The following NDE1 variants were observed in gnomAD, a reference collection of about 807,000 sequenced individuals.
The protein encoded by NDE1 is nudE neurodevelopment protein 1.
In NDE1, 28 loss-of-function variants were observed where a neutral mutation model predicts 43.4. The observed-to-expected ratio is 0.65, with a 90% CI of 0.48 to 0.89. NDE1 has a LOEUF of 0.89. Ranked by LOEUF, NDE1 falls within the 40% of genes least tolerant of loss-of-function variation. NDE1 has a pLI of 0.00. For synonymous variants in NDE1, 184 were observed against 172.0 expected, an observed-to-expected ratio of 1.07 and a Z score of -0.55; for missense variants, 441 against 434.1, an observed-to-expected ratio of 1.02 and a Z score of -0.14.
At chr16:15,717,845 T>C (rs978863988) in intron 8 of NDE1, 2 of 257,538 alleles carry the variant, frequency 7.8e-6, no homozygotes, top group Admixed American at 1.0e-4. Context: ...GCTGAGCGAG[T>C]GACTTGTCCC....
chr16:15,689,851 A>G lies in NDE1; in HGVS notation c.524-1293A>G, dbSNP rs868579448. Reference sequence around the variant, plus strand: ...GCTACTTGGGAGGCTGAGGCAGGAGAATCACTTGAACCCGGGAGGCAGATT... The same window carrying G: ...GCTACTTGGGAGGCTGAGGCAGGAGGATCACTTGAACCCGGGAGGCAGATT... On this transcript the variant is annotated intron_variant, in intron 5 of 8. Transcript: ENST00000396354. Among the ~76,000 whole-genome samples, 10 of 100,722 alleles carry G rather than the reference A, an allele frequency of 9.9e-5. No homozygotes were observed. In the South Asian group the frequency reaches 2.6e-3, roughly 26 times the overall value. 66.1% of individuals were successfully genotyped at this position (100,722 alleles called of 152,430 possible). A position where few individuals can be genotyped will look rare whatever the true frequency, so the allele number is the denominator to read the frequency against.
rs376563317 is a variant in NDE1 at position 15,669,101 on chromosome 16, C to T, written c.237+1662C>T. ...ATTTTTAGTAGAAACGGGGTTTCAC[C>T]GTGTTAGCTAGGATGGTCTTGATCT... On this transcript the variant is annotated intron_variant, in intron 3 of 8. Coordinates refer to ENST00000396354, the MANE Select transcript of NDE1 (RefSeq NM_017668.3). 1.5e-4 allele frequency among the ~76,000 whole-genome samples: 23 copies of T among 151,784 alleles called. No homozygotes were observed. The East Asian group carries it at 2.5e-3, about 17-fold the overall frequency.
At position 15,677,691 on chromosome 16, in the gene NDE1, C is replaced by G. The variant is rs2037957068; in HGVS notation, c.238-110C>G. 4.9e-6 allele frequency: 6 copies of G among 1,222,056 alleles called. 1 individual carries two copies. In the South Asian group the frequency reaches 6.3e-5, roughly 13 times the overall value. 75.7% of individuals were successfully genotyped at this position (1,222,056 alleles called of 1,614,324 possible). A position where few individuals can be genotyped will look rare whatever the true frequency, so the allele number is the denominator to read the frequency against. On this transcript the variant is annotated intron_variant, in intron 3 of 8. Transcript: ENST00000396354. ...CTCTAACTCCTGGGCTCAGGCAGTC[C>G]TCCCAGTTTAGCCTCCCGAGTAGCT...
chr16:15,686,241 C>T (rs143700109), intron 4 of NDE1: 5,266 of 434,490 alleles, frequency 0.012, 51 homozygotes, highest in Non-Finnish European at 0.014. Context: ...CGTGAGCCAC[C>T]GTGTCCGGGC....
At chr16:15,664,982 A>T in intron 2 of NDE1, 121 bp downstream of exon 2, 1 of 749,880 alleles carries the variant, frequency 1.3e-6, no homozygotes. Flanking sequence ...AGCCGCCTTA[A>T]ACTCCTGGGC....
At chr16:15,719,330 T>C (rs1440373894) in intron 8 of NDE1, 2 of 1,607,162 alleles carry the variant, frequency 1.2e-6, no homozygotes, top group Non-Finnish European at 1.7e-6. Flanking sequence ...GGAGGAAGGC[T>C]GTTGTCTGCC....
intron 8 of NDE1, chr16:15,720,128 C>T (rs1027925751): frequency 1.9e-6 from 3 of 1,613,986 alleles, no homozygotes; most frequent in Non-Finnish European, 2.5e-6. Context: ...CCACCCATGC[C>T]CCAAGCTCCT....
chr16:15,706,828 A>G (rs2039482701), intron 8 of NDE1, among the ~76,000 whole-genome samples: 1 of 152,172 alleles, frequency 6.6e-6, no homozygotes, highest in South Asian at 2.1e-4. Flanking sequence ...AGCTTAATGG[A>G]TAAATTTGCT....
At chr16:15,667,968 C>CTT (rs113978379) in intron 3 of NDE1, among the ~76,000 whole-genome samples, 1 of 140,860 alleles carries the variant, frequency 7.1e-6, no homozygotes. Flanking sequence ...GGCAGGGAGA[C>CTT]TTTTTTTTTT....
intron 8 of NDE1, 155 bp downstream of exon 8, chr16:15,697,015 A>AG: frequency 6.5e-7 from 1 of 1,531,704 alleles, no homozygotes; most frequent in Non-Finnish European, 8.7e-7. Flanking sequence ...AGGCAGCATT[A>AG]GGTGGTGTCT....
intron 7 of NDE1, chr16:15,694,561 T>G: frequency 2.2e-6 from 2 of 896,546 alleles, no homozygotes; most frequent in Non-Finnish European, 2.7e-6. Context: ...TTGCCCAGGC[T>G]GGTCTTAAAC....
intron 8 of NDE1, among the ~76,000 whole-genome samples, chr16:15,699,444 C>T (rs1046323200): frequency 3.3e-5 from 5 of 151,956 alleles, no homozygotes; most frequent in Non-Finnish European, 7.4e-5. Flanking sequence ...TTGCATTTTT[C>T]ATAGAGACAG....
rs939413353 is a variant in NDE1 at position 15,650,309 on chromosome 16, G to A, written c.-44+15G>A. 7.0e-6 allele frequency: 2 copies of A among 285,892 alleles called. No individual in the cohort carries two copies. The highest frequency in any genetic ancestry group is 4.4e-5 in the Admixed American group (1 of 22,688). The allele number at this position is 285,892 out of a possible 1,614,324, so 17.7% of individuals were successfully genotyped here. A position where few individuals can be genotyped will look rare whatever the true frequency, so the allele number is the denominator to read the frequency against. ...CCCCTGCTCGGGTAAGTGAGGCGCTGCGCGGGGCTGGGGTCGGGGTGGCTG... is the reference window on the plus strand; with the variant it reads ...CCCCTGCTCGGGTAAGTGAGGCGCTACGCGGGGCTGGGGTCGGGGTGGCTG... On this transcript the variant is annotated intron_variant, in intron 1 of 8. Transcript: ENST00000396354.
At position 15,725,907 on chromosome 16, in the gene NDE1, C is replaced by T. The variant is rs2040729538; in HGVS notation, c.*1656C>T. 5.2e-6 allele frequency: 2 copies of T among 384,934 alleles called. No homozygotes were observed. The highest frequency in any genetic ancestry group is 9.2e-6 in the Non-Finnish European group (2 of 218,058). The allele number at this position is 384,934 out of a possible 1,614,324, so 23.8% of individuals were successfully genotyped here. A position where few individuals can be genotyped will look rare whatever the true frequency, so the allele number is the denominator to read the frequency against. ...ATACATGTAATAGGTTCTCAAAAGC[C>T]CTACATCATCTGGGTACAAGCTCCC... On this transcript the variant is annotated 3_prime_UTR_variant, in exon 9 of 9. Transcript: ENST00000396354.
chr16:15,676,125 C>T (rs1284095239), intron 3 of NDE1, among the ~76,000 whole-genome samples: 2 of 151,582 alleles, frequency 1.3e-5, no homozygotes, highest in Non-Finnish European at 2.9e-5. Context: ...CCCTCCCTTC[C>T]TCTCTCCTCT....
chr16:15,725,148 AACACACAC>A lies in NDE1; in HGVS notation c.*905_*912del, dbSNP rs34909724. 6.6e-6 allele frequency: 4 copies of A among 608,130 alleles called. No homozygotes were observed. Among genetic ancestry groups the A allele is most frequent in the Non-Finnish European group, 1.1e-5 (4 of 350,084 alleles). 37.7% of individuals were successfully genotyped at this position (608,130 alleles called of 1,614,324 possible). On this transcript the variant is annotated 3_prime_UTR_variant, in exon 9 of 9. Coordinates refer to ENST00000396354, the MANE Select transcript of NDE1 (RefSeq NM_017668.3). ...TGGGACTCTGATAAAAAAAAAAAAA[AACACACAC>A]ACACACAAAAAAAACAGAATCTGTG...
chr16:15,717,273 C>T lies in NDE1; in HGVS notation c.948-6918C>T, dbSNP rs368269107. 5.2e-5 allele frequency: 84 copies of T among 1,613,798 alleles called. No individual in the cohort carries two copies. Among genetic ancestry groups the T allele is most frequent in the Non-Finnish European group, 6.5e-5 (77 of 1,180,044 alleles). The stretch of plus-strand genomic sequence containing the variant: ...CTCCGGAGCTCCTTGTTCTGCCGCT[C>T]GAGCTGCTGCCGGGCACTCTCATTC... On this transcript the variant is annotated intron_variant, in intron 8 of 8. Coordinates refer to ENST00000396354, the MANE Select transcript of NDE1 (RefSeq NM_017668.3).
intron 7 of NDE1, chr16:15,695,780 G>A (rs2038981473): frequency 1.1e-6 from 1 of 884,796 alleles, no homozygotes; most frequent in Non-Finnish European, 1.4e-6. Flanking sequence ...CTAGAAGCAG[G>A]TCTGCATTTC....
chr16:15,704,232 ATTT>A, intron 8 of NDE1: 1 of 1,349,806 alleles, frequency 7.4e-7, no homozygotes, highest in Non-Finnish European at 1.0e-6. Flanking sequence ...TGCAATATAA[ATTT>A]TTTTTATGGC....
Sources: allele counts gnomAD v4.1 joint callset (sites outside exome capture counted in the v4.1 genomes callset), GRCh38; gene constraint gnomAD v4.1.1; transcripts MANE v1.5; gene names NCBI Gene and HGNC (gene_info 2026-07-23, HGNC 2026-07-21).